Variants in SGCD observed in about 807,000 individuals in gnomAD.
SGCD encodes sarcoglycan delta.
A neutral mutation model predicts 36.6 loss-of-function variants in SGCD; 18 were observed. The ratio of observed to expected loss-of-function variants is 0.49; its 90% confidence interval spans 0.34 to 0.73. The LOEUF (loss-of-function observed/expected upper bound fraction) is 0.73, where lower values mean the gene tolerates loss of function less well. SGCD is among the 30% of genes least tolerant of loss of function. The pLI is 0.01. For missense variants in SGCD, 387 were observed against 346.7 expected, an observed-to-expected ratio of 1.12 and a Z score of -0.92; for synonymous variants, 133 against 130.6, an observed-to-expected ratio of 1.02 and a Z score of -0.12.
chr5:155,891,439 C>T (rs1756126809), intron 1 of SGCD, among the ~76,000 whole-genome samples: 1 of 152,030 alleles, frequency 6.6e-6, no homozygotes, highest in African/African-American at 2.4e-5. Flanking sequence ...CCTAGGTCCC[C>T]AATGTCTGCA....
At chr5:156,434,440 T>G (rs1173882116) in intron 3 of SGCD, among the ~76,000 whole-genome samples, 1 of 152,210 alleles carries the variant, frequency 6.6e-6, no homozygotes, top group Non-Finnish European at 1.5e-5. Flanking sequence ...CCTTTATTTT[T>G]CAGCCCTTGT....
chr5:156,013,108 C>A (rs1758895324), intron 1 of SGCD, among the ~76,000 whole-genome samples: 1 of 151,572 alleles, frequency 6.6e-6, no homozygotes, highest in African/African-American at 2.4e-5. Context: ...TCACTGCAAC[C>A]TCTGTCTCCC....
chr5:156,024,814 C>T (rs868547245), intron 1 of SGCD, among the ~76,000 whole-genome samples: 35 of 151,940 alleles, frequency 2.3e-4, no homozygotes, highest in Admixed American at 7.9e-4. Flanking sequence ...AAAAATTAGC[C>T]GGGCATGGTG....
At chr5:155,807,279 A>G in the SGCD span, among the ~76,000 whole-genome samples, 3 of 152,214 alleles carry the variant, frequency 2.0e-5, no homozygotes. Flanking sequence ...ACTGTCTGTA[A>G]TAGCACACCA....
intron 6 of SGCD, among the ~76,000 whole-genome samples, chr5:156,598,815 C>T (rs761299600): frequency 4.3e-4 from 65 of 152,178 alleles, no homozygotes; most frequent in Non-Finnish European, 7.4e-4. Context: ...CTCTACCCTA[C>T]CCCACCCCCA....
intron 1 of SGCD, among the ~76,000 whole-genome samples, chr5:155,878,056 G>C (rs958687067): frequency 1.3e-5 from 2 of 152,114 alleles, no homozygotes; most frequent in Non-Finnish European, 2.9e-5. Flanking sequence ...GGAGCCATTA[G>C]TGTGGGTGAC....
chr5:156,369,299 G>A (rs1770266190), intron 3 of SGCD, among the ~76,000 whole-genome samples: 1 of 152,158 alleles, frequency 6.6e-6, no homozygotes, highest in Non-Finnish European at 1.5e-5. Context: ...CAGGAGCAAG[G>A]TGAAGAGGAA....
At chr5:155,995,690 C>T (rs1038878387) in intron 1 of SGCD, among the ~76,000 whole-genome samples, 1 of 152,076 alleles carries the variant, frequency 6.6e-6, no homozygotes, top group Non-Finnish European at 1.5e-5. Flanking sequence ...CAGCAATACA[C>T]AGCTACTGAC....
chr5:156,175,948 C>CTTTTTT (rs59891264), intron 3 of SGCD, among the ~76,000 whole-genome samples: 1 of 148,262 alleles, frequency 6.7e-6, no homozygotes, highest in Non-Finnish European at 1.5e-5. Flanking sequence ...TTCTGTGGAT[C>CTTTTTT]TTTTTTTTTT....
chr5:156,044,842 G>A (rs191842889), intron 1 of SGCD, among the ~76,000 whole-genome samples: 4 of 152,018 alleles, frequency 2.6e-5, no homozygotes, highest in East Asian at 1.9e-4. Context: ...ATCTTTCCAG[G>A]TGCACACACA....
At chr5:156,048,868 T>C (rs1022705865) in intron 1 of SGCD, among the ~76,000 whole-genome samples, 4 of 152,002 alleles carry the variant, frequency 2.6e-5, no homozygotes, top group Admixed American at 2.0e-4. Context: ...GTTGCCATTG[T>C]TTTTGGTGTT....
intron 3 of SGCD, among the ~76,000 whole-genome samples, chr5:156,239,631 A>G (rs141198476): frequency 2.2e-4 from 34 of 152,334 alleles, no homozygotes; most frequent in Non-Finnish European, 4.3e-4. Context: ...GAAAACACTT[A>G]GGGAATGAAG....
At chr5:155,856,599 A>C in the SGCD span, among the ~76,000 whole-genome samples, 1 of 152,128 alleles carries the variant, frequency 6.6e-6, no homozygotes, top group Non-Finnish European at 1.5e-5. Context: ...TAAATCACAG[A>C]TCCGATAAAG....
At chr5:156,562,544 A>C (rs1444288804) in intron 4 of SGCD, among the ~76,000 whole-genome samples, 1 of 152,174 alleles carries the variant, frequency 6.6e-6, no homozygotes, top group Non-Finnish European at 1.5e-5. Flanking sequence ...TCTCAAACGC[A>C]ATTGTGAAGG....
chr5:155,825,739 TTTG>T, the SGCD span, among the ~76,000 whole-genome samples: 18 of 144,774 alleles, frequency 1.2e-4, no homozygotes, highest in African/African-American at 4.4e-4. Flanking sequence ...TTTTTTTTTT[TTTG>T]TTGTTGTTGT....
chr5:155,918,741 A>G (rs1434487786), intron 1 of SGCD, among the ~76,000 whole-genome samples: 1 of 152,200 alleles, frequency 6.6e-6, no homozygotes, highest in Non-Finnish European at 1.5e-5. Flanking sequence ...GTGCCTGCCA[A>G]TAGCCATTGG....
intron 3 of SGCD, among the ~76,000 whole-genome samples, chr5:156,169,655 T>A (rs1481719302): frequency 6.6e-6 from 1 of 152,050 alleles, no homozygotes; most frequent in African/African-American, 2.4e-5. Flanking sequence ...TGAGGTGGGG[T>A]GCTATTTCAG....
At chr5:155,910,325 C>G (rs1756604848) in intron 1 of SGCD, among the ~76,000 whole-genome samples, 1 of 152,026 alleles carries the variant, frequency 6.6e-6, no homozygotes, top group Non-Finnish European at 1.5e-5. Context: ...ATGGAGAGGA[C>G]TTAAATCATC....
intron 1 of SGCD, among the ~76,000 whole-genome samples, chr5:156,030,738 TG>T (rs1221352412): frequency 2.0e-5 from 3 of 151,688 alleles, no homozygotes; most frequent in Non-Finnish European, 2.9e-5. Context: ...AGAAGTTTCA[TG>T]GGGGGGCCCT....
Sources: gnomAD v4.1 joint callset for allele counts (sites outside exome capture counted in the v4.1 genomes callset) on GRCh38, gnomAD v4.1.1 for gene constraint, MANE v1.5 for transcripts, NCBI Gene and HGNC (gene_info 2026-07-23, HGNC 2026-07-21) for gene names.